The following GDAP1 variants were observed in gnomAD, a reference collection of about 807,000 sequenced individuals.
GDAP1 encodes the protein ganglioside induced differentiation associated protein 1.
In GDAP1, 34 loss-of-function variants were observed where a neutral mutation model predicts 40.1. The observed-to-expected ratio is 0.85, with a 90% CI of 0.64 to 1.13. The LOEUF is 1.13. Among genes scored for constraint, GDAP1 ranks in the 50% most tolerant of loss-of-function variants. GDAP1 has a pLI of 0.00. For synonymous variants in GDAP1, 170 were observed against 157.4 expected, an observed-to-expected ratio of 1.08 and a Z score of -0.60; for missense variants, 374 against 433.7, an observed-to-expected ratio of 0.86 and a Z score of 1.22.
At chr8:74,487,191 A>G (rs775107994) in intron 2 of GDAP1, among the ~76,000 whole-genome samples, 1 of 152,122 alleles carries the variant, frequency 6.6e-6, no homozygotes, top group Non-Finnish European at 1.5e-5. Flanking sequence ...TTCCCAGAAA[A>G]CGAAATAGGT....
At chr8:74,473,046 A>G (rs1333171204) in intron 2 of GDAP1, among the ~76,000 whole-genome samples, 6 of 151,576 alleles carry the variant, frequency 4.0e-5, no homozygotes, top group African/African-American at 1.5e-4. Flanking sequence ...CACTGTGCCC[A>G]GCCGAGCTTT....
At chr8:74,472,887 A>G (rs1417160581) in intron 2 of GDAP1, among the ~76,000 whole-genome samples, 4 of 151,848 alleles carry the variant, frequency 2.6e-5, no homozygotes, top group African/African-American at 9.7e-5. Context: ...GGCTGGGACT[A>G]TAGGTTCGTG....
intron 2 of GDAP1, among the ~76,000 whole-genome samples, chr8:74,404,408 A>G (rs959764130): frequency 6.7e-6 from 1 of 149,514 alleles, no homozygotes; most frequent in Non-Finnish European, 1.5e-5. Context: ...GGCCATTTAT[A>G]TGAATTAACA....
intron 2 of GDAP1, among the ~76,000 whole-genome samples, chr8:74,398,481 A>G (rs1435948348): frequency 6.6e-6 from 1 of 152,198 alleles, no homozygotes; most frequent in Non-Finnish European, 1.5e-5. Flanking sequence ...ATATACAATC[A>G]TGTCATCTGC....
intron 2 of GDAP1, among the ~76,000 whole-genome samples, chr8:74,474,845 G>C (rs1563479494): frequency 6.6e-6 from 1 of 152,100 alleles, no homozygotes; most frequent in East Asian, 1.9e-4. Flanking sequence ...CAATTTTTTG[G>C]AATGGTTTCA....
rs570999757 is a variant in GDAP1, at chr8:74,471,160, T to A, written c.166-17518T>A. Among the ~76,000 whole-genome samples, 214 of 152,278 alleles carry A rather than the reference T, an allele frequency of 1.4e-3. 1 individual carries two copies. Among genetic ancestry groups the A allele is most frequent in the African/African-American group, 4.9e-3 (202 of 41,570 alleles). On this transcript the variant is annotated intron_variant, in intron 2 of 2. Transcript: ENST00000523640. The stretch of plus-strand genomic sequence containing the variant: ...TTCTGGATATTAGCCCTTTGTCAGA[T>A]GAGTAGATTGCAAAAATTTTCTCCC...
chr8:74,476,339 AT>A (rs773603490), intron 2 of GDAP1, among the ~76,000 whole-genome samples: 1 of 152,146 alleles, frequency 6.6e-6, no homozygotes, highest in East Asian at 1.9e-4. Context: ...TCATTAGCTG[AT>A]TATTATGTCA....
At chr8:74,441,397 A>G (rs1563470901) in intron 2 of GDAP1, among the ~76,000 whole-genome samples, 2 of 152,196 alleles carry the variant, frequency 1.3e-5, no homozygotes, top group East Asian at 1.9e-4. Context: ...TTAGCAGCTA[A>G]TAAGCAAGCT....
At chr8:74,417,866 AAACACATG>A (rs1234283139) in intron 2 of GDAP1, among the ~76,000 whole-genome samples, 1 of 152,164 alleles carries the variant, frequency 6.6e-6, no homozygotes, top group Non-Finnish European at 1.5e-5. Context: ...AATGTAAGAT[AAACACATG>A]AATATCTATC....
intron 2 of GDAP1, among the ~76,000 whole-genome samples, chr8:74,393,941 T>TC (rs1810152259): frequency 6.6e-6 from 1 of 152,202 alleles, no homozygotes; most frequent in Non-Finnish European, 1.5e-5. Flanking sequence ...TACCCTTTTT[T>TC]CCCCTCATTC....
chr8:74,480,917 TG>T (rs1806703099), intron 2 of GDAP1, among the ~76,000 whole-genome samples: 1 of 152,240 alleles, frequency 6.6e-6, no homozygotes, highest in South Asian at 2.1e-4. Flanking sequence ...TAGAACTTCC[TG>T]GGAATCTAAG....
intron 2 of GDAP1, among the ~76,000 whole-genome samples, chr8:74,485,016 A>G (rs1806759017): frequency 6.6e-6 from 1 of 152,094 alleles, no homozygotes; most frequent in African/African-American, 2.4e-5. Flanking sequence ...CCACACATTC[A>G]CATGCAAAAC....
intron 2 of GDAP1, among the ~76,000 whole-genome samples, chr8:74,423,910 T>G (rs1805914772): frequency 6.6e-6 from 1 of 152,140 alleles, no homozygotes; most frequent in Admixed American, 6.6e-5. Context: ...TGGGTACTCA[T>G]CGTTTGAAAT....
chr8:74,357,054 G>C (rs1249274716), intron 2 of GDAP1, among the ~76,000 whole-genome samples: 2 of 152,130 alleles, frequency 1.3e-5, no homozygotes, highest in Non-Finnish European at 2.9e-5. Context: ...TGTGTGACTA[G>C]TTGAAGGGTA....
intron 2 of GDAP1, among the ~76,000 whole-genome samples, chr8:74,460,536 A>C (rs1806387879): frequency 6.6e-6 from 1 of 152,184 alleles, no homozygotes. Flanking sequence ...AGACTCCTTT[A>C]TGGGAGGGCC....
At chr8:74,353,767 A>G (rs1264407426) in intron 2 of GDAP1, among the ~76,000 whole-genome samples, 1 of 152,222 alleles carries the variant, frequency 6.6e-6, no homozygotes, top group Admixed American at 6.5e-5. Context: ...TCGTATGTAC[A>G]TTAAAGTTTG....
intron 2 of GDAP1, among the ~76,000 whole-genome samples, chr8:74,460,042 C>G (rs1586841304): frequency 6.6e-6 from 1 of 152,260 alleles, no homozygotes; most frequent in South Asian, 2.1e-4. Flanking sequence ...AGTACAACAT[C>G]TAGTCTTTAA....
chr8:74,401,851 G>A (rs1162350719), intron 2 of GDAP1, among the ~76,000 whole-genome samples: 5 of 149,920 alleles, frequency 3.3e-5, no homozygotes, highest in Admixed American at 1.3e-4. Context: ...TATCAGCAGC[G>A]GTGTCTGCAG....
chr8:74,382,275 G>A (rs58601612), intron 2 of GDAP1, among the ~76,000 whole-genome samples: 2 of 151,314 alleles, frequency 1.3e-5, no homozygotes, highest in South Asian at 2.1e-4. Context: ...CTTCATGCTC[G>A]TGTTTTACAT....
Sources: allele counts gnomAD v4.1 joint callset (sites outside exome capture counted in the v4.1 genomes callset), GRCh38; gene constraint gnomAD v4.1.1; transcripts MANE v1.5; gene names NCBI Gene and HGNC (gene_info 2026-07-23, HGNC 2026-07-21).